NTM: variants seen among roughly 807,000 people sequenced by gnomAD.
NTM encodes the protein IgLON family member 2.
A neutral mutation model predicts 42.1 loss-of-function variants in NTM; 13 were observed. That is an observed-to-expected ratio of 0.31 (90% CI 0.20 to 0.49). NTM has a LOEUF of 0.49. NTM is among the 20% of genes least tolerant of loss of function. The pLI is 0.99. For synonymous variants in NTM, 187 were observed against 179.2 expected, an observed-to-expected ratio of 1.04 and a Z score of -0.35; for missense variants, 373 against 452.8, an observed-to-expected ratio of 0.82 and a Z score of 1.60.
rs60822916 is a variant in NTM at position 131,547,712 on chromosome 11, G to A, written c.82+176824G>A. On this transcript the variant is annotated intron_variant, in intron 1 of 8. Transcript: ENST00000683400. ...TCTTTTCTAAGATGGAGTCACTTAC[G>A]TCAAGAGTGACTATACTATACACCC... Among the ~76,000 whole-genome samples, 902 of 152,292 alleles carry A rather than the reference G, an allele frequency of 5.9e-3. 6 individuals are homozygous for A. The highest frequency in any genetic ancestry group is 0.02 in the African/African-American group (848 of 41,552).
intron 4 of NTM, among the ~76,000 whole-genome samples, chr11:132,278,539 C>T (rs2093824783): frequency 6.6e-6 from 1 of 152,134 alleles, no homozygotes; most frequent in Admixed American, 6.5e-5. Context: ...AACTACATTG[C>T]AGCCCCACCC....
intron 1 of NTM, among the ~76,000 whole-genome samples, chr11:131,604,026 T>C (rs1022299811): frequency 6.6e-6 from 1 of 152,200 alleles, no homozygotes; most frequent in African/African-American, 2.4e-5. Context: ...TAGACATATA[T>C]TTTTATATCT....
At chr11:131,648,532 C>G (rs866015652) in intron 1 of NTM, among the ~76,000 whole-genome samples, 150 of 152,216 alleles carry the variant, frequency 9.9e-4, no homozygotes, top group African/African-American at 3.0e-3. Context: ...TTAATAGTAG[C>G]CATTCTGACT....
At chr11:131,748,403 A>G (rs1591578751) in intron 1 of NTM, among the ~76,000 whole-genome samples, 1 of 152,350 alleles carries the variant, frequency 6.6e-6, no homozygotes, top group Non-Finnish European at 1.5e-5. Context: ...GCTAACTTGG[A>G]AAGACATTAG....
chr11:131,997,478 G>A (rs772615987), intron 2 of NTM, among the ~76,000 whole-genome samples: 19 of 152,162 alleles, frequency 1.2e-4, no homozygotes, highest in Non-Finnish European at 2.2e-4. Context: ...AAGGACCCTC[G>A]ATGGGCCTCA....
chr11:132,236,467 T>C (rs1238016206), intron 4 of NTM, among the ~76,000 whole-genome samples: 1 of 152,154 alleles, frequency 6.6e-6, no homozygotes, highest in African/African-American at 2.4e-5. Flanking sequence ...CAATTGTAAC[T>C]TGGGAGGAAT....
intron 1 of NTM, among the ~76,000 whole-genome samples, chr11:131,731,141 G>A (rs1299599446): frequency 6.6e-6 from 1 of 151,994 alleles, no homozygotes; most frequent in Non-Finnish European, 1.5e-5. Context: ...CATTTTGTGT[G>A]GCGCACCTCC....
intron 3 of NTM, among the ~76,000 whole-genome samples, chr11:132,160,397 C>G (rs2074033495): frequency 6.6e-6 from 1 of 152,176 alleles, no homozygotes; most frequent in Admixed American, 6.5e-5. Context: ...CTGAAGCAGG[C>G]CCTTCACCCC....
Position 131,862,540 on chromosome 11 carries a change from G to C in NTM, c.83-49024G>C, listed in dbSNP as rs116431372. 1.9e-3 allele frequency among the ~76,000 whole-genome samples: 294 copies of C among 152,256 alleles called. 3 individuals are homozygous for C. Among genetic ancestry groups the C allele is most frequent in the African/African-American group, 6.4e-3 (268 of 41,556 alleles). On this transcript the variant is annotated intron_variant, in intron 1 of 8. Coordinates refer to ENST00000683400, the MANE Select transcript of NTM (RefSeq NM_001352005.2). ...ATTGCCTAGTTGTTATGTATGAATC[G>C]AGGGTTGTTTTTTATTTTTGTTTGA...
At chr11:131,525,809 A>G (rs1336866916) in intron 1 of NTM, among the ~76,000 whole-genome samples, 1 of 152,106 alleles carries the variant, frequency 6.6e-6, no homozygotes, top group Non-Finnish European at 1.5e-5. Context: ...TAAAATGGAG[A>G]TCACAATAAC....
intron 1 of NTM, among the ~76,000 whole-genome samples, chr11:131,709,664 T>C (rs973684082): frequency 3.3e-5 from 5 of 152,192 alleles, no homozygotes; most frequent in Admixed American, 2.6e-4. Flanking sequence ...CCTTGTTGAC[T>C]AGACAGTTGC....
chr11:131,759,914 T>A (rs563395328), intron 1 of NTM, among the ~76,000 whole-genome samples: 23 of 152,064 alleles, frequency 1.5e-4, no homozygotes, highest in African/African-American at 4.8e-4. Context: ...GAGAGAACGA[T>A]GTGAGAGTGT....
intron 1 of NTM, among the ~76,000 whole-genome samples, chr11:131,889,585 G>A (rs1182365011): frequency 6.6e-6 from 1 of 152,182 alleles, no homozygotes; most frequent in African/African-American, 2.4e-5. Context: ...TCCTTTTAGG[G>A]TTTGTTTCAG....
intron 2 of NTM, among the ~76,000 whole-genome samples, chr11:131,948,384 A>AAAAAAAAAAAAAAG (rs61423292): frequency 2.0e-5 from 3 of 147,514 alleles, no homozygotes; most frequent in Admixed American, 6.7e-5. Context: ...AAAAAAACAA[A>AAAAAAAAAAAAAAG]AAAACAAAAA....
At chr11:131,643,538 ACT>A (rs138097203) in intron 1 of NTM, among the ~76,000 whole-genome samples, 21 of 147,372 alleles carry the variant, frequency 1.4e-4, no homozygotes, top group South Asian at 2.2e-4. Context: ...GCTCTACTCA[ACT>A]CTCTCTCTCT....
intron 1 of NTM, among the ~76,000 whole-genome samples, chr11:131,483,926 A>G (rs1415125938): frequency 1.3e-5 from 2 of 152,032 alleles, no homozygotes; most frequent in Non-Finnish European, 2.9e-5. Flanking sequence ...AATTCATGCC[A>G]TTGAATCACC....
intron 1 of NTM, among the ~76,000 whole-genome samples, chr11:131,600,238 G>A (rs759250021): frequency 6.6e-6 from 1 of 152,192 alleles, no homozygotes; most frequent in African/African-American, 2.4e-5. Context: ...TTCATAAAGT[G>A]TCTGGGAAGC....
rs2060179693 is a variant in NTM at position 131,598,861 on chromosome 11, CTT to C, written c.82+227974_82+227975del. ...TCTTTCTTTCTTTCTTCCTTCCTTC[CTT>C]CCTTCCTTCCTTCTTCCTTCCTTCC... On this transcript the variant is annotated intron_variant, in intron 1 of 8. Coordinates refer to ENST00000683400, the MANE Select transcript of NTM (RefSeq NM_001352005.2). 4.9e-5 allele frequency among the ~76,000 whole-genome samples: 2 copies of C among 41,112 alleles called. 1 individual carries two copies. The highest frequency in any genetic ancestry group is 6.2e-4 in the Admixed American group (2 of 3,220). The allele number at this position is 41,112 out of a possible 152,430, so 27.0% of individuals were successfully genotyped here. A position where few individuals can be genotyped will look rare whatever the true frequency, so the allele number is the denominator to read the frequency against.
intron 1 of NTM, among the ~76,000 whole-genome samples, chr11:131,446,839 C>A (rs11222619): frequency 0.064 from 9,726 of 152,290 alleles, 1,575 homozygotes; most frequent in East Asian, 0.63. Flanking sequence ...TTACTGCTAT[C>A]TAGAGTATTT....
Sources: gnomAD v4.1 joint callset for allele counts (sites outside exome capture counted in the v4.1 genomes callset) on GRCh38, gnomAD v4.1.1 for gene constraint, MANE v1.5 for transcripts, NCBI Gene and HGNC (gene_info 2026-07-23, HGNC 2026-07-21) for gene names.